The following CTNND2 variants were observed in gnomAD, a reference collection of about 807,000 sequenced individuals.
CTNND2 encodes the protein catenin delta 2.
A neutral mutation model predicts 144.4 loss-of-function variants in CTNND2; 22 were observed. The observed-to-expected ratio is 0.15, with a 90% CI of 0.11 to 0.22. CTNND2 has a LOEUF of 0.22. Among genes scored for constraint, CTNND2 ranks in the 10% least tolerant of loss-of-function variants. The probability of loss-of-function intolerance (pLI) is 1.00; values close to 1 mark genes in which losing one functional copy is unlikely to be tolerated. For synonymous variants in CTNND2, 751 were observed against 695.6 expected (o/e 1.08, Z -1.25); for missense variants, 1,353 against 1,618.8 (o/e 0.84, Z 2.82).
At chr5:11,094,089 T>G (rs1407644654) in intron 15 of CTNND2, among the ~76,000 whole-genome samples, 1 of 152,214 alleles carries the variant, frequency 6.6e-6, no homozygotes, top group Non-Finnish European at 1.5e-5. Flanking sequence ...ATGTACATAT[T>G]TATAATTACT....
intron 2 of CTNND2, among the ~76,000 whole-genome samples, chr5:11,713,899 T>C (rs556153707): frequency 9.2e-5 from 14 of 151,956 alleles, no homozygotes; most frequent in Middle Eastern, 3.4e-3. Flanking sequence ...GACCTACCGT[T>C]CACCTGGAAG....
At chr5:11,750,827 TTTG>T (rs1234194768) in intron 1 of CTNND2, among the ~76,000 whole-genome samples, 3 of 151,876 alleles carry the variant, frequency 2.0e-5, no homozygotes, top group Non-Finnish European at 2.9e-5. Context: ...CTAAATTATC[TTTG>T]TTAATATATT....
chr5:11,841,164 G>A (rs1794450037), intron 1 of CTNND2, among the ~76,000 whole-genome samples: 1 of 152,026 alleles, frequency 6.6e-6, no homozygotes, highest in Non-Finnish European at 1.5e-5. Context: ...AAAAAGTAAG[G>A]TAACTTTCCA....
intron 20 of CTNND2, among the ~76,000 whole-genome samples, chr5:10,982,649 T>C (rs541151617): frequency 1.3e-5 from 2 of 152,204 alleles, no homozygotes; most frequent in African/African-American, 4.8e-5. Context: ...CACTGCTGGG[T>C]GTATATTAGA....
intron 9 of CTNND2, among the ~76,000 whole-genome samples, chr5:11,238,708 A>G (rs1741902094): frequency 6.6e-6 from 1 of 152,204 alleles, no homozygotes; most frequent in African/African-American, 2.4e-5. Flanking sequence ...AGATATATAT[A>G]CACATTATAT....
At chr5:11,861,507 C>T (rs1006997808) in intron 1 of CTNND2, among the ~76,000 whole-genome samples, 1 of 152,134 alleles carries the variant, frequency 6.6e-6, no homozygotes, top group African/African-American at 2.4e-5. Flanking sequence ...AGAACATAAC[C>T]AGAAGATGAT....
chr5:11,427,491 A>T (rs573521301), intron 3 of CTNND2, among the ~76,000 whole-genome samples: 1 of 151,946 alleles, frequency 6.6e-6, no homozygotes, highest in East Asian at 1.9e-4. Flanking sequence ...TGTTGGCTAG[A>T]CTGGTCTCGG....
At chr5:11,088,614 C>A (rs987775096) in intron 15 of CTNND2, among the ~76,000 whole-genome samples, 13 of 152,036 alleles carry the variant, frequency 8.6e-5, no homozygotes, top group Admixed American at 3.3e-4. Flanking sequence ...TAAGCAATTT[C>A]TTTCTTTTGG....
chr5:10,980,506 G>C (rs1340900178), intron 21 of CTNND2, among the ~76,000 whole-genome samples: 1 of 152,164 alleles, frequency 6.6e-6, no homozygotes, highest in Non-Finnish European at 1.5e-5. Flanking sequence ...CAAGGATTTA[G>C]AACCAGAAAT....
At chr5:11,320,950 T>C (rs193191288) in intron 9 of CTNND2, among the ~76,000 whole-genome samples, 1 of 152,350 alleles carries the variant, frequency 6.6e-6, no homozygotes, top group East Asian at 1.9e-4. Context: ...ACACAATCTA[T>C]TTTTTGAATT....
intron 15 of CTNND2, among the ~76,000 whole-genome samples, chr5:11,089,622 A>T (rs1394085326): frequency 6.6e-6 from 1 of 152,258 alleles, no homozygotes; most frequent in African/African-American, 2.4e-5. Context: ...CATTCTGCAC[A>T]GAGGGGAACT....
At chr5:10,975,867 T>C (rs1158541301) in intron 21 of CTNND2, among the ~76,000 whole-genome samples, 1 of 152,222 alleles carries the variant, frequency 6.6e-6, no homozygotes, top group Non-Finnish European at 1.5e-5. Flanking sequence ...TTTTGGTTCT[T>C]TTGCACAACC....
At chr5:11,612,206 T>G (rs1015534591) in intron 2 of CTNND2, among the ~76,000 whole-genome samples, 1 of 152,198 alleles carries the variant, frequency 6.6e-6, no homozygotes, top group Non-Finnish European at 1.5e-5. Flanking sequence ...TGTTGTTGAC[T>G]TGGGGAATTA....
intron 1 of CTNND2, among the ~76,000 whole-genome samples, chr5:11,737,415 T>C (rs1203775637): frequency 6.6e-6 from 1 of 152,200 alleles, no homozygotes; most frequent in African/African-American, 2.4e-5. Context: ...AGAATTATAA[T>C]CTGCAAATAC....
At chr5:10,996,630 C>T (rs1181351069) in intron 18 of CTNND2, among the ~76,000 whole-genome samples, 9 of 152,090 alleles carry the variant, frequency 5.9e-5, no homozygotes, top group Admixed American at 4.6e-4. Context: ...GACAGAGTCT[C>T]GCTCTGTCAC....
intron 3 of CTNND2, among the ~76,000 whole-genome samples, chr5:11,427,819 C>T (rs1013179662): frequency 6.6e-6 from 1 of 152,144 alleles, no homozygotes; most frequent in African/African-American, 2.4e-5. Flanking sequence ...TCAATTATCT[C>T]CACTGTCAAA....
chr5:11,056,023 G>C (rs753650027), intron 16 of CTNND2, among the ~76,000 whole-genome samples: 1 of 152,222 alleles, frequency 6.6e-6, no homozygotes, highest in Middle Eastern at 3.2e-3. Context: ...TGACCCATGA[G>C]TACTGAATTC....
chr5:11,129,194 ATATATATTATATATT>A (rs1280736889), intron 12 of CTNND2, among the ~76,000 whole-genome samples: 5 of 44,850 alleles, frequency 1.1e-4, no homozygotes, highest in Admixed American at 8.5e-4. Flanking sequence ...ATAATATATA[ATATATATTATATATT>A]TATATATTAT....
chr5:11,067,409 T>A (rs1339799792), intron 16 of CTNND2, among the ~76,000 whole-genome samples: 2 of 152,224 alleles, frequency 1.3e-5, no homozygotes, highest in Non-Finnish European at 2.9e-5. Context: ...AAGAAATACT[T>A]TCCTTACTCA....
Sources: allele counts gnomAD v4.1 joint callset (sites outside exome capture counted in the v4.1 genomes callset), GRCh38; gene constraint gnomAD v4.1.1; transcripts MANE v1.5; gene names NCBI Gene and HGNC (gene_info 2026-07-23, HGNC 2026-07-21).